The following DAG1 variants were observed in gnomAD, a reference collection of about 807,000 sequenced individuals.
DAG1 encodes the protein dystroglycan 1, also known as dystroglycan 1 (dystrophin-associated glycoprotein 1).
A neutral mutation model predicts 46.1 loss-of-function variants in DAG1; 8 were observed. The ratio of observed to expected loss-of-function variants is 0.17; its 90% CI spans 0.10 to 0.31. The LOEUF (loss-of-function observed/expected upper bound fraction) is 0.31. Ranked by LOEUF, DAG1 falls within the 10% of genes least tolerant of loss-of-function variation. DAG1 has a pLI of 1.00. For synonymous variants in DAG1, 495 were observed against 481.8 expected (o/e 1.03, Z -0.36); for missense variants, 1,003 against 1,189.9 (o/e 0.84, Z 2.31).
At chr3:49,480,747 T>C in intron 1 of DAG1, among the ~76,000 whole-genome samples, 1 of 141,366 alleles carries the variant, frequency 7.1e-6, no homozygotes. Flanking sequence ...AATTAACATC[T>C]CTGCATAAAG....
chr3:49,476,079 T>C (rs1255634171), intron 1 of DAG1, among the ~76,000 whole-genome samples: 1 of 152,128 alleles, frequency 6.6e-6, no homozygotes, highest in East Asian at 1.9e-4. Context: ...GATGCATTAG[T>C]AGAAGATCAT....
chr3:49,514,860 C>CAT (rs747027295), intron 2 of DAG1, among the ~76,000 whole-genome samples: 1 of 150,386 alleles, frequency 6.6e-6, no homozygotes, highest in Non-Finnish European at 1.5e-5. Flanking sequence ...CACACACACA[C>CAT]ATATATATAT....
At chr3:49,480,510 G>A (rs1013926615) in intron 1 of DAG1, among the ~76,000 whole-genome samples, 6 of 150,088 alleles carry the variant, frequency 4.0e-5, no homozygotes, top group African/African-American at 1.5e-4. Flanking sequence ...AGCCAGAAAG[G>A]TCTCGATCTC....
At chr3:49,489,649 G>A (rs1396333073) in intron 1 of DAG1, among the ~76,000 whole-genome samples, 1 of 152,182 alleles carries the variant, frequency 6.6e-6, no homozygotes, top group Non-Finnish European at 1.5e-5. Context: ...ATAGCTCAAT[G>A]TAGTAATTTT....
At position 49,531,159 on chromosome 3, in the gene DAG1, C is replaced by G. The variant is rs1045779842; in HGVS notation, c.648C>G (p.Ser216Arg). The G allele has an allele frequency of 6.2e-7, 1 of 1,614,092 alleles. No individual in the cohort carries two copies. Among genetic ancestry groups the G allele is most frequent in the African/African-American group, 1.3e-5 (1 of 74,922 alleles). Residue 216 changes from serine to arginine, a missense_variant, in exon 3 of 3, where the codon AGC becomes AGG. Ser to Arg is a moderately radical substitution (Grantham distance 110). This residue lies in a region of DAG1 where 52 missense variants were observed against 96.7 expected (regional missense o/e 0.54). Coordinates refer to ENST00000308775, the MANE Select transcript of DAG1 (RefSeq NM_004393.6). The surrounding 1 kb of genome is among the most constrained non-coding windows in gnomAD (Gnocchi z 7.0). The stretch of plus-strand genomic sequence containing the variant: ...TTGACCTCCTGCACAGGATGCGGAG[C>G]TTCTCAGAAGTAGAGCTTCACAACA... ...QRIDLLHRMR[S>R]FSEVELHNMK... is the part of the protein sequence containing the mutation.
intron 1 of DAG1, among the ~76,000 whole-genome samples, chr3:49,476,443 T>C (rs1279091130): frequency 6.6e-6 from 1 of 151,874 alleles, no homozygotes; most frequent in Non-Finnish European, 1.5e-5. Context: ...ATACAAAAAT[T>C]AGCTGGGCGT....
chr3:49,527,521 C>CAA (rs539525966), intron 2 of DAG1, among the ~76,000 whole-genome samples: 156 of 106,854 alleles, frequency 1.5e-3, no homozygotes, highest in African/African-American at 5.2e-3. Context: ...GACTCTGTCT[C>CAA]AAAAAAAAAA....
At position 49,535,020 on chromosome 3, in the gene DAG1, G is replaced by T; in HGVS notation, c.*1821G>T. 1 of 152,502 alleles carries T rather than the reference G, an allele frequency of 6.6e-6. No individual in the cohort carries two copies. The allele number at this position is 152,502 out of a possible 1,614,324, so 9.4% of individuals were successfully genotyped here. Reference sequence around the variant, plus strand: ...CTCTCCAGAGGGCATTTCCCCTTGCGCCTTCTCCCACAGGGCCCAGCCCCT... The same window carrying T: ...CTCTCCAGAGGGCATTTCCCCTTGCTCCTTCTCCCACAGGGCCCAGCCCCT... On this transcript the variant is annotated 3_prime_UTR_variant, in exon 3 of 3. Coordinates refer to ENST00000308775, the MANE Select transcript of DAG1 (RefSeq NM_004393.6).
chr3:49,521,655 A>G (rs2051030541), intron 2 of DAG1, among the ~76,000 whole-genome samples: 1 of 152,118 alleles, frequency 6.6e-6, no homozygotes, highest in Non-Finnish European at 1.5e-5. Context: ...CGTGTTGCCC[A>G]GGCTGATGGT....
chr3:49,482,458 A>G (rs970057491), intron 1 of DAG1, among the ~76,000 whole-genome samples: 2 of 152,204 alleles, frequency 1.3e-5, no homozygotes, highest in African/African-American at 2.4e-5. Context: ...CATTTGTTCA[A>G]TTCTGAGATA....
intron 2 of DAG1, among the ~76,000 whole-genome samples, chr3:49,515,332 T>C (rs1443248603): frequency 6.6e-6 from 1 of 151,594 alleles, no homozygotes; most frequent in Non-Finnish European, 1.5e-5. Context: ...TTACCTGTAG[T>C]CATTAAATGT....
chr3:49,526,919 AAT>A (rs745566350), intron 2 of DAG1, among the ~76,000 whole-genome samples: 5 of 152,200 alleles, frequency 3.3e-5, no homozygotes, highest in Non-Finnish European at 7.3e-5. Context: ...GCATAGTTAA[AAT>A]AAGTGTATGG....
intron 2 of DAG1, among the ~76,000 whole-genome samples, chr3:49,512,665 T>C (rs1191110180): frequency 1.3e-5 from 2 of 150,324 alleles, no homozygotes; most frequent in Non-Finnish European, 3.0e-5. Flanking sequence ...ACCCAGCTAA[T>C]TAAAAAAAAA....
chr3:49,473,138 A>G lies in DAG1; in HGVS notation c.-117+2705A>G, dbSNP rs1202062638. Among the ~76,000 whole-genome samples the G allele has an allele frequency of 7.7e-5, 10 of 129,776 alleles. No individual in the cohort carries two copies. In the East Asian group the frequency reaches 1.6e-3, roughly 21 times the overall value. 85.1% of individuals were successfully genotyped at this position (129,776 alleles called of 152,430 possible). ...AAAAAATAAAACAAAACAACTGGCC[A>G]GGCGCGGTGGCTCACGCCCGTAATC... is the stretch of plus-strand genomic sequence containing the variant. On this transcript the variant is annotated intron_variant, in intron 1 of 2. Coordinates refer to ENST00000308775, the MANE Select transcript of DAG1 (RefSeq NM_004393.6).
intron 2 of DAG1, among the ~76,000 whole-genome samples, chr3:49,514,645 G>GT (rs1208769825): frequency 5.4e-5 from 8 of 149,490 alleles, no homozygotes; most frequent in Non-Finnish European, 1.2e-4. Context: ...TAATTTTTGT[G>GT]TTTTTTTGGG....
At chr3:49,501,285 T>C (rs1174689405) in intron 1 of DAG1, among the ~76,000 whole-genome samples, 2 of 152,094 alleles carry the variant, frequency 1.3e-5, no homozygotes, top group Non-Finnish European at 2.9e-5. Context: ...AGAATGAGAT[T>C]GGAATAGTGA....
At chr3:49,511,725 G>A (rs750774822) in intron 2 of DAG1, among the ~76,000 whole-genome samples, 2 of 152,218 alleles carry the variant, frequency 1.3e-5, no homozygotes, top group Non-Finnish European at 2.9e-5. Flanking sequence ...TGTTGCTCAA[G>A]CTAGTCTTGA....
intron 2 of DAG1, among the ~76,000 whole-genome samples, chr3:49,527,962 T>C (rs2051228803): frequency 6.6e-6 from 1 of 152,132 alleles, no homozygotes. Context: ...TGTGAGCTCG[T>C]GTCCTACTGG....
At chr3:49,496,231 G>A (rs1433448921) in intron 1 of DAG1, among the ~76,000 whole-genome samples, 2 of 152,086 alleles carry the variant, frequency 1.3e-5, no homozygotes, top group Non-Finnish European at 2.9e-5. Context: ...GGAGCACAGT[G>A]GTGGAGTCAT....
Sources: gnomAD v4.1 joint callset for allele counts (sites outside exome capture counted in the v4.1 genomes callset) on GRCh38, gnomAD v4.1.1 for gene constraint, gnomAD v4.1.1 regional missense constraint, Gnocchi (gnomAD v3.1) non-coding constraint, MANE v1.5 for transcripts, NCBI Gene and HGNC (gene_info 2026-07-23, HGNC 2026-07-21) for gene names.